Variants in PSMB5 observed in about 807,000 individuals in gnomAD.
PSMB5 encodes proteasome subunit beta type-5.
Under a neutral mutation model 22.8 loss-of-function variants are expected in PSMB5, and 2 were observed. The observed-to-expected ratio is 0.09, with a 90% CI of 0.04 to 0.28. PSMB5 has a LOEUF of 0.28. Among genes scored for constraint, PSMB5 ranks in the 10% least tolerant of loss-of-function variants. The pLI is 1.00. For synonymous variants in PSMB5, 133 were observed against 135.3 expected, an observed-to-expected ratio of 0.98 and a Z score of 0.12; for missense variants, 269 against 343.8, an observed-to-expected ratio of 0.78 and a Z score of 1.72.
chr14:23,034,450 G>A (rs2046976811), intron 1 of PSMB5: 2 of 544,516 alleles, frequency 3.7e-6, no homozygotes, highest in South Asian at 4.5e-5. Flanking sequence ...CAACCCAAGA[G>A]GCCTCACCTT....
chr14:23,034,759 C>G lies in PSMB5; in HGVS notation c.123G>C (p.Leu41=). ...GPGSLSDGLS[L]AAPGWGVPEE... is the part of the protein sequence containing the mutation. ...CTGGGACACCCCAGCCTGGCGCGGC[C>G]AGGCTCAGACCATCACTGAGACTCC... Residue 41 remains leucine (L), a synonymous_variant, in exon 1 of 3, where the codon CTG becomes CTC. Transcript: ENST00000361611. 1.9e-6 allele frequency: 3 copies of G among 1,614,210 alleles called. No individual in the cohort carries two copies. Among genetic ancestry groups the G allele is most frequent in the Non-Finnish European group, 2.5e-6 (3 of 1,180,032 alleles).
upstream of PSMB5, chr14:23,035,084 A>G (rs1169945302): frequency 1.9e-6 from 2 of 1,032,658 alleles, no homozygotes; most frequent in African/African-American, 1.6e-5. Context: ...AGATGGCTTC[A>G]CTAACCTTAA....
intron 1 of PSMB5, among the ~76,000 whole-genome samples, chr14:23,034,110 C>G (rs1202244754): frequency 2.8e-5 from 4 of 140,834 alleles, no homozygotes; most frequent in Non-Finnish European, 4.5e-5. Context: ...TGAGCGACAG[C>G]GAAAAGCCCT....
chr14:23,027,237 C>T (rs2046921398), intron 2 of PSMB5, among the ~76,000 whole-genome samples: 1 of 150,916 alleles, frequency 6.6e-6, no homozygotes, highest in Non-Finnish European at 1.5e-5. Flanking sequence ...AAAAATTAGC[C>T]AGGTGTGGTT....
At chr14:23,030,876 G>A (rs535472109) in intron 2 of PSMB5, among the ~76,000 whole-genome samples, 11 of 152,274 alleles carry the variant, frequency 7.2e-5, no homozygotes, top group African/African-American at 2.6e-4. Flanking sequence ...AATGAACTGA[G>A]ATCGCGCCAT....
At chr14:23,034,166 C>T (rs1010782242) in intron 1 of PSMB5, among the ~76,000 whole-genome samples, 1 of 150,578 alleles carries the variant, frequency 6.6e-6, no homozygotes, top group Non-Finnish European at 1.5e-5. Context: ...GATGAGGAAA[C>T]AGGTTCAATG....
At chr14:23,034,978 T>G, upstream of PSMB5, 3 of 1,464,566 alleles carry the variant, frequency 2.0e-6, no homozygotes, top group Non-Finnish European at 2.7e-6. Context: ...ATTAAATCTA[T>G]TCCGGAATGG....
Position 23,025,900 on chromosome 14 carries a change from A to G in PSMB5, c.*189T>C. ...ATGTTAACATCCAAGAAAGTAAAAC[A>G]AATAGTCACCTCTGCAGCAGCTCAT... On this transcript the variant is annotated 3_prime_UTR_variant, in exon 3 of 3. Transcript: ENST00000361611. The G allele has an allele frequency of 7.0e-7, 1 of 1,433,462 alleles. No homozygotes were observed. Among genetic ancestry groups the G allele is most frequent in the Non-Finnish European group, 9.1e-7 (1 of 1,098,044 alleles). The allele number at this position is 1,433,462 out of a possible 1,614,324, so 88.8% of individuals were successfully genotyped here. A position where few individuals can be genotyped will look rare whatever the true frequency, so the allele number is the denominator to read the frequency against.
chr14:23,027,909 C>A (rs952001505), intron 2 of PSMB5: 1 of 1,072,562 alleles, frequency 9.3e-7, no homozygotes, highest in Non-Finnish European at 1.4e-6. Context: ...TTTGGGAGGC[C>A]GAGGCAGGTG....
intron 2 of PSMB5, among the ~76,000 whole-genome samples, chr14:23,032,815 G>T (rs1237130437): frequency 6.6e-6 from 1 of 150,724 alleles, no homozygotes; most frequent in Non-Finnish European, 1.5e-5. Flanking sequence ...AGCCAGGATG[G>T]TCTCGATCTC....
At chr14:23,028,012 G>C (rs924944521) in intron 2 of PSMB5, among the ~76,000 whole-genome samples, 1 of 151,970 alleles carries the variant, frequency 6.6e-6, no homozygotes. Context: ...GCGTGGTGGC[G>C]CATGCCTGTA....
In PSMB5 at chr14:23,033,582, G is replaced by A. The variant is rs2046969521; in HGVS notation, c.291C>T (p.Asn97=). The change falls in exon 2 of 3, where the codon AAC becomes AAT. Residue 97 remains asparagine, a synonymous_variant. Transcript: ENST00000361611. The part of the protein sequence containing the change: ...SQTVKKVIEI[N]PYLLGTMAGG... The stretch of plus-strand genomic sequence containing the variant: ...CAGCCATGGTGCCTAGCAGGTATGG[G>A]TTGATCTCTATCACCTTCTTCACCG... The A allele has an allele frequency of 1.2e-6, 2 of 1,614,058 alleles. No individual in the cohort carries two copies. The highest frequency in any genetic ancestry group is 1.7e-6 in the Non-Finnish European group (2 of 1,180,052).
In PSMB5 at chr14:23,026,133, T is replaced by G; in HGVS notation, c.748A>C (p.Asn250His). Residue 250 changes from asparagine to histidine, a missense_variant, in exon 3 of 3, where the codon AAT (asparagine) becomes CAT (histidine). Asn to His is a moderately conservative substitution (Grantham distance 68). Transcript: ENST00000361611. ...TACTTCTCATGTAGATCAGCCACAT[T>G]GTCACTGGAGACTCGGATCCAGCCA... is the stretch of plus-strand genomic sequence containing the variant. ...EDGWIRVSSD[N>H]VADLHEKYSG... 6.2e-7 allele frequency: 1 copy of G among 1,614,134 alleles called. No homozygotes were observed. Among genetic ancestry groups the G allele is most frequent in the Non-Finnish European group, 8.5e-7 (1 of 1,180,020 alleles).
chr14:23,027,258 GC>G (rs1361829792), intron 2 of PSMB5, among the ~76,000 whole-genome samples: 1 of 141,030 alleles, frequency 7.1e-6, no homozygotes, highest in Admixed American at 7.1e-5. Flanking sequence ...GCGGTCGCCT[GC>G]AGTCCCAGCT....
intron 2 of PSMB5, among the ~76,000 whole-genome samples, chr14:23,031,491 A>G (rs962933629): frequency 5.3e-5 from 8 of 152,352 alleles, no homozygotes; most frequent in Admixed American, 4.6e-4. Flanking sequence ...TAATTGTTCT[A>G]TAAGATAACT....
chr14:23,028,274 G>T (rs1446089061), intron 2 of PSMB5, among the ~76,000 whole-genome samples: 1 of 152,184 alleles, frequency 6.6e-6, no homozygotes, highest in African/African-American at 2.4e-5. Context: ...CTGTGTGACA[G>T]AAAAACAAAC....
In PSMB5 at chr14:23,033,478, C is replaced by A; in HGVS notation, c.395G>T (p.Arg132Leu). The A allele has an allele frequency of 6.2e-7, 1 of 1,614,094 alleles. No individual in the cohort carries two copies. Among genetic ancestry groups the A allele is most frequent in the South Asian group, 1.1e-5 (1 of 91,078 alleles). ...TTTGGAGGCAGCTGCTACAGAGATG[C>A]GTTCCTTATTTCGAAGCTCATAGAT... ...CRIYELRNKE[R>L]ISVAAASKLL... The change falls in exon 2 of 3, where the codon CGC becomes CTC. Residue 132 changes from arginine (R) to leucine (L), a missense_variant. This residue lies in a region of PSMB5 where 75 missense variants were observed against 143.2 expected (regional missense o/e 0.52). Coordinates refer to ENST00000361611, the MANE Select transcript of PSMB5 (RefSeq NM_002797.5).
In PSMB5 at chr14:23,034,787, G is replaced by GGACCTAGAT. The variant is rs780897598; in HGVS notation, c.86_94dup (p.Gly31_Pro32insHisLeuGly). On this transcript the variant is annotated inframe_insertion, in exon 1 of 3. Coordinates refer to ENST00000361611, the MANE Select transcript of PSMB5 (RefSeq NM_002797.5). Reference sequence around the variant, plus strand: ...GCTCAGACCATCACTGAGACTCCCTGGACCTAGATCCAGCAGATCTGCACG... The same window carrying GGACCTAGAT: ...GCTCAGACCATCACTGAGACTCCCTGGACCTAGATGACCTAGATCCAGCAGATCTGCACG... The GGACCTAGAT allele has an allele frequency of 6.2e-7, 1 of 1,614,214 alleles. No homozygotes were observed. The highest frequency in any genetic ancestry group is 8.5e-7 in the Non-Finnish European group (1 of 1,180,038).
At position 23,027,766 on chromosome 14, in the gene PSMB5, T is replaced by C. The variant is rs373236898; in HGVS notation, c.506-1391A>G. On this transcript the variant is annotated intron_variant, in intron 2 of 2. Transcript: ENST00000361611. ...CTACCTTGCCATGTTGCCGATCCTC[T>C]CAGCACACCCACAAAACAAGTACAT... The C allele has an allele frequency of 2.4e-5, 37 of 1,548,280 alleles. 1 individual carries two copies. The African/African-American group carries it at 4.5e-4, about 19-fold the overall frequency.
Sources: gnomAD v4.1 joint callset for allele counts (sites outside exome capture counted in the v4.1 genomes callset) on GRCh38, gnomAD v4.1.1 for gene constraint, gnomAD v4.1.1 regional missense constraint, MANE v1.5 for transcripts, NCBI Gene and HGNC (gene_info 2026-07-23, HGNC 2026-07-21) for gene names.